The following ROBO2 variants were observed in gnomAD, a reference collection of about 807,000 sequenced individuals.
ROBO2 encodes roundabout homolog 2.
In ROBO2, 53 loss-of-function variants were observed where a neutral mutation model predicts 160.8. The ratio of observed to expected loss-of-function variants is 0.33; its 90% CI spans 0.26 to 0.41. ROBO2 has a LOEUF of 0.41. ROBO2 is among the 10% of genes least tolerant of loss of function. The probability of loss-of-function intolerance (pLI) is 1.00; values close to 1 mark genes in which losing one functional copy is unlikely to be tolerated. For synonymous variants in ROBO2, 664 were observed against 611.7 expected, an observed-to-expected ratio of 1.09 and a Z score of -1.26; for missense variants, 1,577 against 1,722.4, an observed-to-expected ratio of 0.92 and a Z score of 1.49.
At chr3:77,296,782 G>C (rs1017797984) in intron 2 of ROBO2, among the ~76,000 whole-genome samples, 1 of 152,106 alleles carries the variant, frequency 6.6e-6, no homozygotes, top group Non-Finnish European at 1.5e-5. Context: ...GAGGGACCTG[G>C]GAGAGAGGCG....
intron 2 of ROBO2, among the ~76,000 whole-genome samples, chr3:76,158,061 A>G (rs1046004080): frequency 3.9e-5 from 6 of 152,182 alleles, no homozygotes; most frequent in African/African-American, 1.4e-4. Context: ...TTGGGAACCA[A>G]TGACTTCACA....
chr3:76,831,081 A>G (rs1008433982), intron 2 of ROBO2, among the ~76,000 whole-genome samples: 7 of 152,186 alleles, frequency 4.6e-5, no homozygotes, highest in African/African-American at 7.2e-5. Context: ...TCTTTTTCTC[A>G]GCATTTATCA....
chr3:77,061,126 T>C (rs760153360), intron 1 of ROBO2, among the ~76,000 whole-genome samples: 7 of 152,116 alleles, frequency 4.6e-5, no homozygotes, highest in South Asian at 2.1e-4. Context: ...TAAATTTGTT[T>C]AGTAATATCA....
At chr3:76,740,935 G>A (rs1188463555) in intron 2 of ROBO2, among the ~76,000 whole-genome samples, 1 of 151,976 alleles carries the variant, frequency 6.6e-6, no homozygotes, top group Non-Finnish European at 1.5e-5. Flanking sequence ...CAATTTACTT[G>A]CCTTATCTTA....
chr3:76,634,838 G>A (rs893825624), intron 2 of ROBO2, among the ~76,000 whole-genome samples: 21 of 152,318 alleles, frequency 1.4e-4, no homozygotes, highest in Non-Finnish European at 2.2e-4. Flanking sequence ...CAGGAGGTGC[G>A]CAGCAGGCCC....
chr3:76,679,011 C>T (rs2092485454), intron 2 of ROBO2, among the ~76,000 whole-genome samples: 1 of 152,068 alleles, frequency 6.6e-6, no homozygotes, highest in Non-Finnish European at 1.5e-5. Flanking sequence ...ATAACACCTC[C>T]ACTCATTAAG....
intron 2 of ROBO2, among the ~76,000 whole-genome samples, chr3:76,749,678 A>G (rs1194279899): frequency 1.3e-5 from 2 of 152,124 alleles, no homozygotes; most frequent in Non-Finnish European, 2.9e-5. Context: ...ATGGCAGGGC[A>G]TAGGCCAAAA....
At chr3:77,304,393 T>C (rs912054215) in intron 2 of ROBO2, among the ~76,000 whole-genome samples, 7 of 152,144 alleles carry the variant, frequency 4.6e-5, no homozygotes, top group Admixed American at 4.6e-4. Flanking sequence ...TAGCAACCAG[T>C]GGCTTGAGAA....
At chr3:76,034,915 C>G (rs1218791676) in intron 2 of ROBO2, among the ~76,000 whole-genome samples, 1 of 152,090 alleles carries the variant, frequency 6.6e-6, no homozygotes, top group Admixed American at 6.5e-5. Flanking sequence ...TCAGCGCTCT[C>G]TGTTGTATCT....
intron 9 of ROBO2, among the ~76,000 whole-genome samples, chr3:77,560,189 G>A (rs1467097799): frequency 6.6e-6 from 1 of 152,048 alleles, no homozygotes; most frequent in East Asian, 1.9e-4. Flanking sequence ...AGGCTTCTGA[G>A]TAGTCTCTCT....
intron 2 of ROBO2, among the ~76,000 whole-genome samples, chr3:76,164,506 A>G (rs1001067284): frequency 2.6e-5 from 4 of 152,176 alleles, no homozygotes; most frequent in African/African-American, 4.8e-5. Context: ...TCCTTGACCT[A>G]TGTCTGCAGA....
chr3:77,239,669 T>C (rs1227045048), intron 2 of ROBO2, among the ~76,000 whole-genome samples: 1 of 152,182 alleles, frequency 6.6e-6, no homozygotes, highest in African/African-American at 2.4e-5. Context: ...CACAGAGTGC[T>C]GATTGGTGTA....
chr3:76,757,583 C>T (rs2108322493), intron 2 of ROBO2, among the ~76,000 whole-genome samples: 1 of 137,420 alleles, frequency 7.3e-6, no homozygotes, highest in African/African-American at 2.7e-5. Flanking sequence ...ACTGCAGCAG[C>T]CCTAATAGAT....
intron 24 of ROBO2, among the ~76,000 whole-genome samples, chr3:77,639,946 A>C (rs533688692): frequency 4.6e-5 from 7 of 152,320 alleles, no homozygotes; most frequent in African/African-American, 1.7e-4. Flanking sequence ...GGCAGTGTTA[A>C]CAAAGGTTGG....
intron 2 of ROBO2, among the ~76,000 whole-genome samples, chr3:76,375,406 C>T (rs1259583775): frequency 6.6e-6 from 1 of 151,986 alleles, no homozygotes; most frequent in Non-Finnish European, 1.5e-5. Flanking sequence ...ATCTTGAGTA[C>T]TTCCACGCAT....
intron 2 of ROBO2, among the ~76,000 whole-genome samples, chr3:76,273,249 A>G (rs923160330): frequency 1.3e-5 from 2 of 148,878 alleles, no homozygotes; most frequent in Admixed American, 6.9e-5. Context: ...CATTCAATAC[A>G]GTCTGACATT....
At chr3:77,484,213 T>C (rs1296190590) in intron 4 of ROBO2, among the ~76,000 whole-genome samples, 1 of 152,004 alleles carries the variant, frequency 6.6e-6, no homozygotes, top group East Asian at 1.9e-4. Context: ...TGTGGCCCAA[T>C]CTATACACCT....
chr3:77,347,216 A>G (rs1271033714), intron 2 of ROBO2, among the ~76,000 whole-genome samples: 1 of 152,190 alleles, frequency 6.6e-6, no homozygotes, highest in Non-Finnish European at 1.5e-5. Flanking sequence ...TGCTAATTGC[A>G]AGTACACCAT....
At chr3:76,971,198 C>T (rs150092128) in intron 2 of ROBO2, among the ~76,000 whole-genome samples, 133 of 152,168 alleles carry the variant, frequency 8.7e-4, no homozygotes, top group Non-Finnish European at 1.6e-3. Context: ...ATTTTTATTC[C>T]GAACATAATC....
Sources: allele counts gnomAD v4.1 joint callset (sites outside exome capture counted in the v4.1 genomes callset), GRCh38; gene constraint gnomAD v4.1.1; transcripts MANE v1.5; gene names NCBI Gene and HGNC (gene_info 2026-07-23, HGNC 2026-07-21).